The following TNRC6B variants were observed in gnomAD, a reference collection of about 807,000 sequenced individuals.
The protein encoded by TNRC6B is trinucleotide repeat-containing gene 6B protein.
In TNRC6B, 52 loss-of-function variants were observed where a neutral mutation model predicts 203.6. The ratio of observed to expected loss-of-function variants is 0.26; its 90% confidence interval spans 0.20 to 0.32. The LOEUF (loss-of-function observed/expected upper bound fraction) is 0.32, where lower values mean the gene tolerates loss of function less well. Among genes scored for constraint, TNRC6B ranks in the 10% least tolerant of loss-of-function variants. The pLI is 1.00. For synonymous variants in TNRC6B, 838 were observed against 845.7 expected, an observed-to-expected ratio of 0.99 and a Z score of 0.16; for missense variants, 1,923 against 2,286.2, an observed-to-expected ratio of 0.84 and a Z score of 3.24.
At chr22:40,151,125 G>A (rs2068748520) in intron 3 of TNRC6B, among the ~76,000 whole-genome samples, 2 of 152,180 alleles carry the variant, frequency 1.3e-5, no homozygotes. Context: ...ACTAAAACAG[G>A]CTGGGTGTGG....
intron 4 of TNRC6B, among the ~76,000 whole-genome samples, chr22:40,167,870 C>T (rs2068934611): frequency 1.3e-5 from 2 of 151,950 alleles, no homozygotes; most frequent in South Asian, 2.1e-4. Context: ...ACCTTGTCTC[C>T]AAAAACAAAA....
intron 3 of TNRC6B, among the ~76,000 whole-genome samples, chr22:40,127,982 C>G (rs1007928945): frequency 2.0e-5 from 3 of 152,210 alleles, no homozygotes; most frequent in South Asian, 4.1e-4. Context: ...GAATATATTA[C>G]TGTGCCATAA....
At chr22:40,097,675 C>T (rs976588787) in intron 1 of TNRC6B, among the ~76,000 whole-genome samples, 1 of 80,766 alleles carries the variant, frequency 1.2e-5, no homozygotes, top group Non-Finnish European at 2.7e-5. Flanking sequence ...ATCATACACA[C>T]ACACACACAC....
intron 3 of TNRC6B, among the ~76,000 whole-genome samples, chr22:40,142,854 C>T (rs2068656746): frequency 6.6e-6 from 1 of 150,624 alleles, no homozygotes; most frequent in South Asian, 2.1e-4. Flanking sequence ...GGAAAAGGTG[C>T]TGGAGGAACT....
chr22:40,111,516 T>C (rs933918004), intron 1 of TNRC6B, among the ~76,000 whole-genome samples: 4 of 152,110 alleles, frequency 2.6e-5, no homozygotes, highest in East Asian at 3.8e-4. Flanking sequence ...TCAGTGGCAG[T>C]AGGAATAAGG....
At chr22:40,057,993 A>G (rs1277437224) in intron 1 of TNRC6B, among the ~76,000 whole-genome samples, 1 of 152,160 alleles carries the variant, frequency 6.6e-6, no homozygotes, top group Non-Finnish European at 1.5e-5. Context: ...AATTTTGTCA[A>G]CCTTCTTTTT....
chr22:40,207,416 AAAATATATATAT>A (rs1471099355), intron 1 of TNRC6B, among the ~76,000 whole-genome samples: 2,046 of 114,604 alleles, frequency 0.018, 34 homozygotes, highest in African/African-American at 0.074. Flanking sequence ...CAAAAAAAAA[AAAATATATATAT>A]ATATATATAT....
chr22:40,155,633 A>G (rs950451644), intron 3 of TNRC6B, among the ~76,000 whole-genome samples: 4 of 152,206 alleles, frequency 2.6e-5, no homozygotes, highest in African/African-American at 9.6e-5. Context: ...CCCTCCCACT[A>G]GGAGTGGATA....
chr22:40,072,324 C>G (rs944657215), intron 1 of TNRC6B, among the ~76,000 whole-genome samples: 2 of 152,126 alleles, frequency 1.3e-5, no homozygotes, highest in Non-Finnish European at 2.9e-5. Flanking sequence ...GGGGTGTTGG[C>G]TCATTCACCA....
intron 1 of TNRC6B, among the ~76,000 whole-genome samples, chr22:40,101,062 G>A (rs778413921): frequency 6.6e-6 from 1 of 151,146 alleles, no homozygotes; most frequent in Non-Finnish European, 1.5e-5. Flanking sequence ...GCATGATCTC[G>A]GCTCACCACA....
intron 17 of TNRC6B, 61 bp from the exon 18 acceptor site, chr22:40,312,444 A>G: frequency 6.6e-7 from 1 of 1,515,904 alleles, no homozygotes; most frequent in Non-Finnish European, 8.9e-7. Flanking sequence ...TGTCAAAAAA[A>G]GTACTATATC....
At chr22:40,124,114 G>C (rs1034073536) in intron 2 of TNRC6B, among the ~76,000 whole-genome samples, 4 of 152,090 alleles carry the variant, frequency 2.6e-5, no homozygotes, top group African/African-American at 9.7e-5. Flanking sequence ...TTCCCAACAA[G>C]ACCTTGCTAG....
At chr22:40,131,823 A>G (rs1463874721) in intron 3 of TNRC6B, among the ~76,000 whole-genome samples, 1 of 152,212 alleles carries the variant, frequency 6.6e-6, no homozygotes, top group Non-Finnish European at 1.5e-5. Flanking sequence ...CTTCTATTGT[A>G]AATGCTGAAG....
chr22:40,253,856 A>G (rs1383766175), intron 3 of TNRC6B, among the ~76,000 whole-genome samples: 1 of 152,144 alleles, frequency 6.6e-6, no homozygotes, highest in Non-Finnish European at 1.5e-5. Flanking sequence ...ATGTCTGGGG[A>G]ACGTGTTCCT....
chr22:40,135,956 G>T (rs1404650880), intron 3 of TNRC6B, among the ~76,000 whole-genome samples: 1 of 152,172 alleles, frequency 6.6e-6, no homozygotes, highest in African/African-American at 2.4e-5. Context: ...GGATTTAATA[G>T]GCCTACTTCA....
chr22:40,255,822 A>T (rs1393453352), intron 3 of TNRC6B, among the ~76,000 whole-genome samples: 1 of 152,030 alleles, frequency 6.6e-6, no homozygotes, highest in South Asian at 2.1e-4. Context: ...CTGTATGTCT[A>T]TTAATGCAGG....
At chr22:40,263,506 C>T (rs1306817404) in intron 4 of TNRC6B, among the ~76,000 whole-genome samples, 1 of 152,186 alleles carries the variant, frequency 6.6e-6, no homozygotes, top group African/African-American at 2.4e-5. Context: ...GAGTCAGAGT[C>T]CACATTATTA....
In TNRC6B at chr22:40,054,903, A is replaced by G. The variant is rs568810341; in HGVS notation, c.-121+9905A>G. Among the ~76,000 whole-genome samples the G allele has an allele frequency of 4.6e-5, 7 of 151,356 alleles. 1 individual carries two copies. In the South Asian group the frequency reaches 1.5e-3, roughly 32 times the overall value. ...AAAAAAAAAATTAGCTGGTTGTAGT[A>G]GTGCGCGCCAGTAGTCCCAGCTACT... On this transcript the variant is annotated intron_variant, in intron 1 of 23. Transcript: ENST00000301923.
At chr22:40,236,605 T>A (rs1483161654) in intron 1 of TNRC6B, among the ~76,000 whole-genome samples, 1 of 152,192 alleles carries the variant, frequency 6.6e-6, no homozygotes, top group Non-Finnish European at 1.5e-5. Context: ...GGGATAGGTT[T>A]TGATGCTGTT....
Sources: allele counts gnomAD v4.1 joint callset (sites outside exome capture counted in the v4.1 genomes callset), GRCh38; gene constraint gnomAD v4.1.1; transcripts MANE v1.5; gene names NCBI Gene and HGNC (gene_info 2026-07-23, HGNC 2026-07-21).